Variants in PLCG2 observed in about 807,000 individuals in gnomAD.
PLCG2 encodes 1-phosphatidylinositol 4,5-bisphosphate phosphodiesterase gamma-2.
Under a neutral mutation model 175.6 loss-of-function variants are expected in PLCG2, and 69 were observed. The observed-to-expected ratio is 0.39, with a 90% CI of 0.32 to 0.48. The LOEUF is 0.48. PLCG2 is among the 20% of genes least tolerant of loss of function. The pLI, the probability that PLCG2 is intolerant of heterozygous loss-of-function variation, is 0.91. For synonymous variants in PLCG2, 827 were observed against 624.0 expected (o/e 1.33, Z -4.85); for missense variants, 1,798 against 1,650.9 (o/e 1.09, Z -1.54).
chr16:81,750,663 A>ATTTGTTTTTTTTTTTTTTT (rs1909790978), intron 1 of PLCG2, among the ~76,000 whole-genome samples: 1 of 68,446 alleles, frequency 1.5e-5, no homozygotes, highest in African/African-American at 5.0e-5. Flanking sequence ...GGGACTGGAG[A>ATTTGTTTTTTTTTTTTTTT]TTTTTTTTTT....
intron 17 of PLCG2, among the ~76,000 whole-genome samples, chr16:81,909,839 G>T (rs1201514200): frequency 6.6e-6 from 1 of 152,190 alleles, no homozygotes; most frequent in African/African-American, 2.4e-5. Context: ...GCCTCTTTGA[G>T]GTGGATACTG....
intron 7 of PLCG2, among the ~76,000 whole-genome samples, chr16:81,877,423 C>G (rs1567511820): frequency 6.6e-6 from 1 of 152,194 alleles, no homozygotes; most frequent in Non-Finnish European, 1.5e-5. Flanking sequence ...CCACTGCACT[C>G]CAGCCTGGGC....
Position 81,936,157 on chromosome 16 carries a change from C to T in PLCG2, c.2843-12C>T, listed in dbSNP as rs747277894. 1 of 1,613,472 alleles carries T rather than the reference C, an allele frequency of 6.2e-7. No individual in the cohort carries two copies. Among genetic ancestry groups the T allele is most frequent in the Non-Finnish European group, 8.5e-7 (1 of 1,179,926 alleles). ...ACACAGAAGTACTGATGACCTTTTTCTCTGTGTGCAGAAAATCCTGACTTC... is the reference window on the plus strand; with the variant it reads ...ACACAGAAGTACTGATGACCTTTTTTTCTGTGTGCAGAAAATCCTGACTTC... On this transcript the variant is annotated splice_polypyrimidine_tract_variant and intron_variant, in intron 26 of 32. Coordinates refer to ENST00000564138, the MANE Select transcript of PLCG2 (RefSeq NM_002661.5).
intron 15 of PLCG2, among the ~76,000 whole-genome samples, chr16:81,905,829 T>G (rs948219557): frequency 1.3e-5 from 2 of 152,062 alleles, no homozygotes; most frequent in African/African-American, 4.8e-5. Context: ...CTGGCTAATT[T>G]TTTGTATTTT....
At chr16:81,875,893 G>C (rs540916172) in intron 7 of PLCG2, among the ~76,000 whole-genome samples, 1 of 152,224 alleles carries the variant, frequency 6.6e-6, no homozygotes, top group Non-Finnish European at 1.5e-5. Context: ...TGAGCGTTCT[G>C]TGACGATGTT....
intron 5 of PLCG2, among the ~76,000 whole-genome samples, chr16:81,861,025 C>T (rs1361963856): frequency 6.6e-6 from 1 of 151,942 alleles, no homozygotes; most frequent in Non-Finnish European, 1.5e-5. Flanking sequence ...AAAAAACCCA[C>T]CACGACAAGA....
At chr16:81,839,236 A>G (rs954115673) in intron 2 of PLCG2, among the ~76,000 whole-genome samples, 9 of 152,220 alleles carry the variant, frequency 5.9e-5, no homozygotes, top group African/African-American at 2.2e-4. Context: ...CATAAATAGT[A>G]TCAGCAGTAG....
At chr16:81,912,455 G>C in intron 18 of PLCG2, 142 bp from the exon 19 acceptor site, 1 of 971,974 alleles carries the variant, frequency 1.0e-6, no homozygotes, top group Non-Finnish European at 1.5e-6. Context: ...TTTGTCTGGG[G>C]AAGCCCACTG....
At chr16:81,756,809 T>C (rs35172672) in intron 2 of PLCG2, among the ~76,000 whole-genome samples, 1 of 152,048 alleles carries the variant, frequency 6.6e-6, no homozygotes, top group Non-Finnish European at 1.5e-5. Context: ...AGCCTGGCTC[T>C]TCAGTGAGCT....
intron 2 of PLCG2, among the ~76,000 whole-genome samples, chr16:81,772,358 C>G (rs1910300337): frequency 6.6e-6 from 1 of 152,188 alleles, no homozygotes; most frequent in South Asian, 2.1e-4. Flanking sequence ...ACCAGTGCTG[C>G]TGCTGGCACC....
chr16:81,834,366 A>C (rs1337252095), intron 2 of PLCG2, among the ~76,000 whole-genome samples: 1 of 152,082 alleles, frequency 6.6e-6, no homozygotes, highest in Non-Finnish European at 1.5e-5. Flanking sequence ...GGTCTGTGTG[A>C]GAGTCTTAGC....
At chr16:81,833,830 G>A (rs997382310) in intron 2 of PLCG2, among the ~76,000 whole-genome samples, 2 of 152,168 alleles carry the variant, frequency 1.3e-5, no homozygotes, top group Non-Finnish European at 2.9e-5. Context: ...TTACAAGCAT[G>A]AGCCACGGCG....
intron 13 of PLCG2, among the ~76,000 whole-genome samples, chr16:81,897,709 C>G (rs998397149): frequency 6.6e-6 from 1 of 151,960 alleles, no homozygotes; most frequent in Non-Finnish European, 1.5e-5. Context: ...TCATGCCCGG[C>G]TAATTTGTGT....
chr16:81,804,825 C>T (rs1268169508), intron 2 of PLCG2, among the ~76,000 whole-genome samples: 1 of 152,194 alleles, frequency 6.6e-6, no homozygotes, highest in Non-Finnish European at 1.5e-5. Flanking sequence ...TTGGGAAGTG[C>T]TGCTGGCACC....
chr16:81,926,300 TG>T (rs1298622783), intron 22 of PLCG2, among the ~76,000 whole-genome samples: 13 of 152,134 alleles, frequency 8.5e-5, no homozygotes, highest in African/African-American at 3.1e-4. Context: ...AGCCATCATG[TG>T]GTGTGGTCAG....
At chr16:81,751,321 C>A (rs970898332) in intron 1 of PLCG2, among the ~76,000 whole-genome samples, 22 of 152,018 alleles carry the variant, frequency 1.4e-4, no homozygotes, top group Non-Finnish European at 2.4e-4. Context: ...CTGTCATTTG[C>A]GACAACATGG....
chr16:81,941,366 A>G lies in PLCG2; in HGVS notation c.3481+1307A>G, dbSNP rs1597147429. Among the ~76,000 whole-genome samples, 6 of 152,272 alleles carry G rather than the reference A, an allele frequency of 3.9e-5. No individual in the cohort carries two copies. In the South Asian group the frequency reaches 1.2e-3, roughly 32 times the overall value. On this transcript the variant is annotated intron_variant, in intron 30 of 32. Coordinates refer to ENST00000564138, the MANE Select transcript of PLCG2 (RefSeq NM_002661.5). Reference sequence around the variant, plus strand: ...CTCAGAAGAAAGTGCAGGTTCCTGGACCCACCACAGGGTGATGAGTCAGCC... The same window carrying G: ...CTCAGAAGAAAGTGCAGGTTCCTGGGCCCACCACAGGGTGATGAGTCAGCC...
At chr16:81,923,902 A>G (rs1244492777) in intron 22 of PLCG2, among the ~76,000 whole-genome samples, 1 of 152,238 alleles carries the variant, frequency 6.6e-6, no homozygotes, top group Non-Finnish European at 1.5e-5. Context: ...CTTTCCATGC[A>G]TTGTCTAACC....
At position 81,956,754 on chromosome 16, in the gene PLCG2, G is replaced by A. The variant is rs774266268; in HGVS notation, c.3630G>A (p.Leu1210=). The part of the protein sequence containing the change: ...CRQLRRRQEE[L]NNQLFLYDTH... ...AGCTGAGGAGGCGGCAAGAAGAACT[G>A]AACAACCAGCTCTTTCTGTATGACA... is the stretch of plus-strand genomic sequence containing the variant. The change falls in exon 32 of 33, where the codon CTG becomes CTA. Residue 1210 remains leucine, a synonymous_variant. Coordinates refer to ENST00000564138, the MANE Select transcript of PLCG2 (RefSeq NM_002661.5). The A allele has an allele frequency of 6.2e-7, 1 of 1,614,148 alleles. No homozygotes were observed. The highest frequency in any genetic ancestry group is 1.7e-4 in the Middle Eastern group (1 of 6,058).
Sources: allele counts gnomAD v4.1 joint callset (sites outside exome capture counted in the v4.1 genomes callset), GRCh38; gene constraint gnomAD v4.1.1; transcripts MANE v1.5; gene names NCBI Gene and HGNC (gene_info 2026-07-23, HGNC 2026-07-21).